ZNF106: variants seen among roughly 807,000 people sequenced by gnomAD.
ZNF106 encodes SH3-domain binding protein 3.
ZNF106 carries 67 observed loss-of-function variants against 195.1 expected under a neutral mutation model. The observed-to-expected ratio is 0.34, with a 90% CI of 0.28 to 0.42. ZNF106 has a LOEUF of 0.42. Ranked by LOEUF, ZNF106 falls within the 10% of genes least tolerant of loss-of-function variation. The probability of loss-of-function intolerance (pLI) is 1.00; values close to 1 mark genes in which losing one functional copy is unlikely to be tolerated. For missense variants in ZNF106, 2,118 were observed against 2,304.5 expected (o/e 0.92, Z 1.66); for synonymous variants, 784 against 818.6 (o/e 0.96, Z 0.72).
chr15:42,473,457 T>G (rs188086457), intron 1 of ZNF106, among the ~76,000 whole-genome samples: 2 of 152,316 alleles, frequency 1.3e-5, no homozygotes, highest in East Asian at 3.9e-4. Context: ...TTGCTATTCT[T>G]TGTTCACATC....
Position 42,435,477 on chromosome 15 carries a change from T to G in ZNF106, c.4788A>C (p.Lys1596Asn). 3 of 1,614,190 alleles carry G rather than the reference T, an allele frequency of 1.9e-6. No homozygotes were observed. Among genetic ancestry groups the G allele is most frequent in the Non-Finnish European group, 2.5e-6 (3 of 1,180,042 alleles). The change falls in exon 14 of 22, where the codon AAA (lysine) becomes AAC (asparagine). Residue 1596 changes from lysine (K) to asparagine (N), a missense_variant. Physicochemically the swap from Lys to Asn is moderately conservative, Grantham distance 94. Transcript: ENST00000564754. ...TCTGAGTAACCAGGAGGCAGTTAAC[T>G]TTGGAGGTATGACCCTCAAAGACAC... ...CIGVFEGHTSKVNCLLVTQTS... is the reference protein window; with the variant it reads ...CIGVFEGHTSNVNCLLVTQTS...
chr15:42,452,602 TC>T (rs2056075784), intron 4 of ZNF106, among the ~76,000 whole-genome samples: 1 of 151,994 alleles, frequency 6.6e-6, no homozygotes, highest in African/African-American at 2.4e-5. Context: ...TGAGATTTTG[TC>T]CCTATCATCC....
At position 42,437,388 on chromosome 15, in the gene ZNF106, A is replaced by G. The variant is rs1486597195; in HGVS notation, c.4601-11T>C. 2 of 1,613,156 alleles carry G rather than the reference A, an allele frequency of 1.2e-6. No homozygotes were observed. Among genetic ancestry groups the G allele is most frequent in the Admixed American group, 1.7e-5 (1 of 59,666 alleles). On this transcript the variant is annotated splice_polypyrimidine_tract_variant and intron_variant, in intron 12 of 21. Transcript: ENST00000564754. ...GCTCTGAAGATATTTCTGGAAAACA[A>G]GAATAGGTTTCAGAGACATGTCTGC...
At position 42,446,653 on chromosome 15, in the gene ZNF106, T is replaced by C. The variant is rs757818957; in HGVS notation, c.3141A>G (p.Gly1047=). Residue 1047 remains glycine, a synonymous_variant, in exon 7 of 22, where the codon GGA becomes GGG. Coordinates refer to ENST00000564754, the MANE Select transcript of ZNF106 (RefSeq NM_001366845.3). ...CAAGACTTGGGAGTTCAGGAGAAGA[T>C]CCATCCTGGAAGGATAAAGAAAACT... ...IRKKRRATGD[G]SSPELPSLER... 1.3e-5 allele frequency: 21 copies of C among 1,604,634 alleles called. No homozygotes were observed. Among genetic ancestry groups the C allele is most frequent in the Non-Finnish European group, 1.8e-5 (21 of 1,174,204 alleles).
rs2141247222 is a variant in ZNF106, at chr15:42,417,158, G to A, written c.*146C>T. 1 of 747,436 alleles carries A rather than the reference G, an allele frequency of 1.3e-6. No homozygotes were observed. Among genetic ancestry groups the A allele is most frequent in the East Asian group, 2.7e-5 (1 of 37,060 alleles). The allele number at this position is 747,436 out of a possible 1,614,324, so 46.3% of individuals were successfully genotyped here. A position where few individuals can be genotyped will look rare whatever the true frequency, so the allele number is the denominator to read the frequency against. On this transcript the variant is annotated 3_prime_UTR_variant, in exon 22 of 22. Transcript: ENST00000564754. ...GTGTAATTTATCATCCCATAGAGCT[G>A]CCCAGACTTATGCTAGGGGTATGCC...
At chr15:42,465,179 G>C (rs1270439333) in intron 3 of ZNF106, among the ~76,000 whole-genome samples, 2 of 152,162 alleles carry the variant, frequency 1.3e-5, no homozygotes, top group African/African-American at 4.8e-5. Flanking sequence ...CGGATTACAG[G>C]CATCAGCCAC....
chr15:42,480,116 A>G (rs1409200804), intron 1 of ZNF106, among the ~76,000 whole-genome samples: 1 of 152,142 alleles, frequency 6.6e-6, no homozygotes, highest in Non-Finnish European at 1.5e-5. Context: ...CCCAAAATCT[A>G]TACTAATTTT....
At chr15:42,437,952 T>A (rs12442040) in intron 12 of ZNF106, among the ~76,000 whole-genome samples, 1 of 150,900 alleles carries the variant, frequency 6.6e-6, no homozygotes, top group African/African-American at 2.4e-5. Context: ...TTGGAAGGTA[T>A]CCAATCTCTC....
chr15:42,440,070 T>A (rs1248279961), intron 10 of ZNF106, among the ~76,000 whole-genome samples: 1 of 152,264 alleles, frequency 6.6e-6, no homozygotes, highest in Non-Finnish European at 1.5e-5. Context: ...ATTGTTTCTA[T>A]CAATCTTTTT....
chr15:42,431,368 C>T (rs1380867896), intron 14 of ZNF106, among the ~76,000 whole-genome samples: 1 of 147,256 alleles, frequency 6.8e-6, no homozygotes, highest in African/African-American at 2.5e-5. Context: ...GGATCTTGAT[C>T]GTTAATGATG....
At chr15:42,428,877 C>T (rs1158429572) in intron 14 of ZNF106, among the ~76,000 whole-genome samples, 1 of 151,932 alleles carries the variant, frequency 6.6e-6, no homozygotes, top group Non-Finnish European at 1.5e-5. Context: ...CATTCTCCTG[C>T]CTCAGCCTCC....
chr15:42,454,795 A>T (rs910846260), intron 4 of ZNF106, among the ~76,000 whole-genome samples: 1 of 151,738 alleles, frequency 6.6e-6, no homozygotes, highest in African/African-American at 2.4e-5. Flanking sequence ...GCTTCTCGGG[A>T]GGTTGAGGTG....
chr15:42,477,482 G>A (rs1311239895), intron 1 of ZNF106, among the ~76,000 whole-genome samples: 3 of 152,140 alleles, frequency 2.0e-5, no homozygotes, highest in African/African-American at 7.2e-5. Flanking sequence ...ATTTGGCCAC[G>A]TCAGTAGCTC....
intron 2 of ZNF106, among the ~76,000 whole-genome samples, chr15:42,468,389 T>C (rs2056581467): frequency 6.6e-6 from 1 of 151,634 alleles, no homozygotes; most frequent in South Asian, 2.1e-4. Context: ...AAACACTTCT[T>C]TTAAATGGCA....
At chr15:42,464,339 CAAA>C (rs113858923) in intron 3 of ZNF106, among the ~76,000 whole-genome samples, 6 of 115,818 alleles carry the variant, frequency 5.2e-5, no homozygotes, top group Non-Finnish European at 1.1e-4. Context: ...GACTCCGTCT[CAAA>C]AAAAAAAAAA....
chr15:42,428,169 G>T, intron 14 of ZNF106, 35 bp from the exon 15 acceptor site: 1 of 1,570,104 alleles, frequency 6.4e-7, no homozygotes, highest in Non-Finnish European at 8.7e-7. Flanking sequence ...TCAGCAGAGG[G>T]TACTGGCAAA....
rs1246554112 is a variant in ZNF106, at chr15:42,414,738, G to C, written c.*2566C>G. ...GGGCAGAAGGGCACTACGCCGCAGA[G>C]CATTCGAGGCTCTCAGCACACTGCC... On this transcript the variant is annotated 3_prime_UTR_variant, in exon 22 of 22. Transcript: ENST00000564754. 1 of 152,224 alleles carries C rather than the reference G, an allele frequency of 6.6e-6. No individual in the cohort carries two copies. Among genetic ancestry groups the C allele is most frequent in the East Asian group, 1.9e-4 (1 of 5,194 alleles). The allele number at this position is 152,224 out of a possible 1,614,324, so 9.4% of individuals were successfully genotyped here.
Position 42,450,822 on chromosome 15 carries a change from T to C in ZNF106, c.1450A>G (p.Lys484Glu). 1.9e-6 allele frequency: 3 copies of C among 1,614,228 alleles called. No individual in the cohort carries two copies. Among genetic ancestry groups the C allele is most frequent in the Non-Finnish European group, 1.7e-6 (2 of 1,180,032 alleles). ...GGATCTTGCTTTTGAGACAATGATT[T>C]AGTGGCTGGACATGGAAGGAGTGGG... ...KSPLLPCPATKSLSQKQDPKN... is the reference protein window; with the variant it reads ...KSPLLPCPATESLSQKQDPKN... Residue 484 changes from lysine (K) to glutamate (E), a missense_variant, in exon 5 of 22, where the codon AAA (lysine) becomes GAA (glutamate). Coordinates refer to ENST00000564754, the MANE Select transcript of ZNF106 (RefSeq NM_001366845.3).
chr15:42,458,569 G>A (rs975514098), intron 3 of ZNF106, among the ~76,000 whole-genome samples: 22 of 151,998 alleles, frequency 1.4e-4, no homozygotes, highest in African/African-American at 5.1e-4. Flanking sequence ...TTAGCCTGGT[G>A]TGGTGGTGTG....
Sources: gnomAD v4.1 joint callset for allele counts (sites outside exome capture counted in the v4.1 genomes callset) on GRCh38, gnomAD v4.1.1 for gene constraint, MANE v1.5 for transcripts, NCBI Gene and HGNC (gene_info 2026-07-23, HGNC 2026-07-21) for gene names.